Variants in SGMS1 observed in about 807,000 individuals in gnomAD.
SGMS1 encodes phosphatidylcholine:ceramide cholinephosphotransferase 1.
A neutral mutation model predicts 46.2 loss-of-function variants in SGMS1; 13 were observed. The observed-to-expected ratio is 0.28, with a 90% confidence interval of 0.18 to 0.45. The LOEUF (loss-of-function observed/expected upper bound fraction) is 0.45. Ranked by LOEUF, SGMS1 falls within the 20% of genes least tolerant of loss-of-function variation. SGMS1 has a pLI of 1.00. For synonymous variants in SGMS1, 203 were observed against 187.8 expected (o/e 1.08, Z -0.66); for missense variants, 324 against 519.9 (o/e 0.62, Z 3.66).
At chr10:50,549,641 C>T (rs888037148) in intron 2 of SGMS1, among the ~76,000 whole-genome samples, 18 of 152,102 alleles carry the variant, frequency 1.2e-4, no homozygotes, top group African/African-American at 4.3e-4. Context: ...ACCACCATGG[C>T]ACACGTTTAC....
intron 2 of SGMS1, among the ~76,000 whole-genome samples, chr10:50,530,085 G>A (rs560631834): frequency 4.6e-5 from 7 of 152,128 alleles, no homozygotes; most frequent in Non-Finnish European, 1.0e-4. Context: ...CTGAAAACCT[G>A]CACATTGCCT....
At chr10:50,625,160 A>C (rs1309519176), upstream of SGMS1, 2 of 700,652 alleles carry the variant, frequency 2.9e-6, no homozygotes, top group Non-Finnish European at 3.5e-6. Context: ...GCCAGAAGCA[A>C]ACTGCGGCGA....
intron 2 of SGMS1, among the ~76,000 whole-genome samples, chr10:50,559,349 C>A (rs1838214716): frequency 6.6e-6 from 1 of 152,180 alleles, no homozygotes. Flanking sequence ...ACTGTCATTC[C>A]AAATCACTTT....
intron 3 of SGMS1, among the ~76,000 whole-genome samples, chr10:50,513,218 G>A (rs1837772607): frequency 6.6e-6 from 1 of 152,140 alleles, no homozygotes; most frequent in Non-Finnish European, 1.5e-5. Context: ...TTGCTTCCTG[G>A]TAACACAGTG....
chr10:50,331,876 G>A (rs1847628666), intron 7 of SGMS1, among the ~76,000 whole-genome samples: 1 of 152,094 alleles, frequency 6.6e-6, no homozygotes, highest in Non-Finnish European at 1.5e-5. Context: ...TATGAACCAG[G>A]AACTTGGCCC....
chr10:50,510,128 T>C (rs1837741029), intron 3 of SGMS1, among the ~76,000 whole-genome samples: 1 of 152,198 alleles, frequency 6.6e-6, no homozygotes, highest in South Asian at 2.1e-4. Flanking sequence ...TTTTCCAGAA[T>C]GTCATTTAAA....
intron 6 of SGMS1, among the ~76,000 whole-genome samples, chr10:50,406,444 G>A (rs1849016306): frequency 6.6e-6 from 1 of 152,120 alleles, no homozygotes; most frequent in Non-Finnish European, 1.5e-5. Flanking sequence ...GCAAGTTCTG[G>A]AAGGCAGATT....
chr10:50,566,014 G>A (rs1309481927), intron 2 of SGMS1, among the ~76,000 whole-genome samples: 1 of 152,226 alleles, frequency 6.6e-6, no homozygotes, highest in African/African-American at 2.4e-5. Context: ...CCTATGGTAT[G>A]GTTTTTGTTG....
chr10:50,455,585 G>A (rs948140828), intron 5 of SGMS1, among the ~76,000 whole-genome samples: 2 of 152,152 alleles, frequency 1.3e-5, no homozygotes, highest in Admixed American at 1.3e-4. Flanking sequence ...AAATTCTCTA[G>A]TCAGTCAACT....
chr10:50,315,264 C>T (rs1055795265), intron 8 of SGMS1, among the ~76,000 whole-genome samples: 4 of 152,184 alleles, frequency 2.6e-5, no homozygotes, highest in Admixed American at 6.5e-5. Flanking sequence ...ACACTATGTG[C>T]AGAAAAAGTC....
At chr10:50,440,543 T>A (rs1316008363) in intron 5 of SGMS1, among the ~76,000 whole-genome samples, 1 of 152,142 alleles carries the variant, frequency 6.6e-6, no homozygotes, top group Non-Finnish European at 1.5e-5. Context: ...AATACTAATG[T>A]CACTAAAGGT....
At chr10:50,488,627 A>G (rs1837542861) in intron 3 of SGMS1, among the ~76,000 whole-genome samples, 2 of 152,354 alleles carry the variant, frequency 1.3e-5, no homozygotes, top group African/African-American at 2.4e-5. Flanking sequence ...CATTCTCCAT[A>G]TAAGAATAAA....
intron 2 of SGMS1, among the ~76,000 whole-genome samples, chr10:50,526,909 A>G (rs1837906932): frequency 6.6e-6 from 1 of 152,006 alleles, no homozygotes; most frequent in Non-Finnish European, 1.5e-5. Context: ...TACTAAAAAT[A>G]CAAAAATTAG....
intron 7 of SGMS1, among the ~76,000 whole-genome samples, chr10:50,327,818 G>A (rs1055903642): frequency 1.3e-5 from 2 of 152,118 alleles, no homozygotes; most frequent in African/African-American, 2.4e-5. Context: ...ATTCTCTGAG[G>A]CAACATGATG....
intron 1 of SGMS1, among the ~76,000 whole-genome samples, chr10:50,616,872 T>A (rs570702722): frequency 4.5e-4 from 68 of 152,208 alleles, no homozygotes; most frequent in African/African-American, 1.5e-3. Context: ...AGACAGAAAA[T>A]CTTACAATAT....
chr10:50,568,231 A>G (rs1370257007), intron 2 of SGMS1, among the ~76,000 whole-genome samples: 1 of 152,226 alleles, frequency 6.6e-6, no homozygotes, highest in Non-Finnish European at 1.5e-5. Flanking sequence ...CCAGTAAAAG[A>G]AGGAAGATAA....
At chr10:50,456,283 T>G (rs1837190100) in intron 5 of SGMS1, among the ~76,000 whole-genome samples, 1 of 152,020 alleles carries the variant, frequency 6.6e-6, no homozygotes, top group Non-Finnish European at 1.5e-5. Context: ...GAGGTCCTCC[T>G]TATTGTCAAT....
intron 2 of SGMS1, among the ~76,000 whole-genome samples, chr10:50,526,468 C>A (rs1451798996): frequency 6.6e-6 from 1 of 152,134 alleles, no homozygotes; most frequent in Admixed American, 6.5e-5. Context: ...ACCATACAGA[C>A]ACACAATCTC....
chr10:50,566,932 T>TTTGTTG (rs915980318), intron 2 of SGMS1, among the ~76,000 whole-genome samples: 1 of 151,890 alleles, frequency 6.6e-6, no homozygotes, highest in African/African-American at 2.4e-5. Flanking sequence ...TTTGTTTTGT[T>TTTGTTG]TTGTTGTTGT....
Sources: gnomAD v4.1 joint callset for allele counts (sites outside exome capture counted in the v4.1 genomes callset) on GRCh38, gnomAD v4.1.1 for gene constraint, MANE v1.5 for transcripts, NCBI Gene and HGNC (gene_info 2026-07-23, HGNC 2026-07-21) for gene names.